The following TMEM41A variants were observed in gnomAD, a reference collection of about 807,000 sequenced individuals.
TMEM41A encodes the protein transmembrane protein 41A.
A neutral mutation model predicts 25.7 loss-of-function variants in TMEM41A; 20 were observed. The ratio of observed to expected loss-of-function variants is 0.78; its 90% CI spans 0.55 to 1.13. The LOEUF (loss-of-function observed/expected upper bound fraction) is 1.13, where lower values mean the gene tolerates loss of function less well. Ranked by LOEUF, TMEM41A falls within the 50% of genes most tolerant of loss-of-function variation. The probability of loss-of-function intolerance (pLI) is 0.00; values close to 1 mark genes in which losing one functional copy is unlikely to be tolerated. For missense variants in TMEM41A, 299 were observed against 314.3 expected (o/e 0.95, Z 0.37); for synonymous variants, 133 against 139.6 (o/e 0.95, Z 0.33).
chr3:185,495,323 TA>T lies in TMEM41A; in HGVS notation c.274-9del. The stretch of plus-strand genomic sequence containing the variant: ...GGCACCAGCTAAAACATTCTGCAAA[TA>T]AAACAAACCCTCAGGCATGTGAACA... On this transcript the variant is annotated splice_polypyrimidine_tract_variant and intron_variant, in intron 2 of 4. Coordinates refer to ENST00000421852, the MANE Select transcript of TMEM41A (RefSeq NM_080652.4). 4 of 1,612,490 alleles carry T rather than the reference TA, an allele frequency of 2.5e-6. No homozygotes were observed. Among genetic ancestry groups the T allele is most frequent in the Non-Finnish European group, 3.4e-6 (4 of 1,179,522 alleles).
intron 4 of TMEM41A, 24 bp downstream of exon 4, chr3:185,494,598 CA>C: frequency 6.4e-7 from 1 of 1,562,934 alleles, no homozygotes; most frequent in Non-Finnish European, 8.6e-7. Context: ...TCTGAAGACT[CA>C]AACCTACCCC....
Position 185,491,580 on chromosome 3 carries a change from T to G in TMEM41A, c.752A>C (p.Glu251Ala), listed in dbSNP as rs759344377. Residue 251 changes from glutamate (E) to alanine (A), a missense_variant, in exon 5 of 5, where the codon GAA becomes GCA. By Grantham distance (107) the Glu-to-Ala change is moderately radical. Transcript: ENST00000421852. ...GTGTATATGATTAGCAGTACTTGTT[T>G]CATTCAATTGCAGATGTTTCTGACT... is the stretch of plus-strand genomic sequence containing the variant. The part of the protein sequence containing the change: ...KFSQKHLQLN[E>A]TSTANHIHSR... The G allele has an allele frequency of 1.7e-5, 28 of 1,614,220 alleles. No individual in the cohort carries two copies. In the Admixed American group the frequency reaches 4.7e-4, roughly 27 times the overall value.
intron 2 of TMEM41A, 86 bp downstream of exon 2, chr3:185,496,742 C>T (rs1417832840): frequency 6.6e-7 from 1 of 1,505,608 alleles, no homozygotes; most frequent in South Asian, 1.2e-5. Flanking sequence ...TTAATCATCC[C>T]CACACAACAA....
intron 1 of TMEM41A, chr3:185,498,385 A>C (rs1432362507): frequency 6.3e-6 from 1 of 158,226 alleles, no homozygotes; most frequent in Non-Finnish European, 1.4e-5. Context: ...CTAATGTCTA[A>C]AGTCTCAAGG....
In TMEM41A at chr3:185,498,949, G is replaced by T; in HGVS notation, c.13C>A (p.Leu5Ile). MRPL[L>I]GLLLVFAGCT... ...CCGGCGAAGACCAGAAGGAGGCCGA[G>T]AAGCGGGCGCATGTCGGCTCCGCAC... Residue 5 changes from leucine (L) to isoleucine (I), a missense_variant, in exon 1 of 5, where the codon CTC becomes ATC. Physicochemically the swap from Leu to Ile is conservative, Grantham distance 5. Coordinates refer to ENST00000421852, the MANE Select transcript of TMEM41A (RefSeq NM_080652.4). The T allele has an allele frequency of 6.2e-7, 1 of 1,601,458 alleles. No individual in the cohort carries two copies. The highest frequency in any genetic ancestry group is 8.5e-7 in the Non-Finnish European group (1 of 1,174,914).
chr3:185,498,266 GAAA>G (rs1052526961), intron 1 of TMEM41A: 10 of 90,344 alleles, frequency 1.1e-4, no homozygotes, highest in Non-Finnish European at 2.1e-4. Context: ...CTCCGTCTCA[GAAA>G]AAAAAAAAAA....
intron 2 of TMEM41A, 132 bp downstream of exon 2, chr3:185,496,696 C>G (rs1719111048): frequency 8.6e-7 from 1 of 1,159,924 alleles, no homozygotes; most frequent in South Asian, 1.3e-5. Context: ...TGCTGAGGGC[C>G]ACTGTGTGCC....
At chr3:185,496,694 G>T in intron 2 of TMEM41A, 134 bp downstream of exon 2, 1 of 1,130,722 alleles carries the variant, frequency 8.8e-7, no homozygotes, top group Non-Finnish European at 1.3e-6. Context: ...AGTGCTGAGG[G>T]CCACTGTGTG....
intron 1 of TMEM41A, among the ~76,000 whole-genome samples, chr3:185,497,193 T>G (rs966508084): frequency 6.6e-6 from 1 of 152,226 alleles, no homozygotes; most frequent in African/African-American, 2.4e-5. Flanking sequence ...AGACCTGGGT[T>G]AGCATCCCAA....
At chr3:185,495,516 C>T in intron 2 of TMEM41A, 2 of 596,902 alleles carry the variant, frequency 3.4e-6, no homozygotes, top group Non-Finnish European at 2.9e-6. Context: ...TCATAGCTCA[C>T]TGCATCCTCG....
Position 185,495,368 on chromosome 3 carries a change from C to T in TMEM41A, c.274-53G>A, listed in dbSNP as rs992053664. 64 of 1,569,702 alleles carry T rather than the reference C, an allele frequency of 4.1e-5. No individual in the cohort carries two copies. In the African/African-American group the frequency reaches 7.4e-4, roughly 18 times the overall value. The stretch of plus-strand genomic sequence containing the variant: ...GTGAACATCTGGCAGCTACCAGGCA[C>T]GTCATCTTGGAGCCTGAGAGTCATA... On this transcript the variant is annotated intron_variant, in intron 2 of 4. Coordinates refer to ENST00000421852, the MANE Select transcript of TMEM41A (RefSeq NM_080652.4).
At chr3:185,498,683 G>T in intron 1 of TMEM41A, 160 bp downstream of exon 1, 1 of 610,542 alleles carries the variant, frequency 1.6e-6, no homozygotes, top group Non-Finnish European at 2.8e-6. Context: ...CCGTGCGGAC[G>T]CGGGCCCGGA....
Position 185,489,750 on chromosome 3 carries a change from G to T in TMEM41A, c.*1787C>A, listed in dbSNP as rs1718888590. ...AAAGGGCACACACTTGCGATGATGT[G>T]GAAAACATGTTTCTCCTTCCCTCCC... On this transcript the variant is annotated 3_prime_UTR_variant, in exon 5 of 5. Transcript: ENST00000421852. The T allele has an allele frequency of 6.6e-6, 1 of 152,138 alleles. No homozygotes were observed. Among genetic ancestry groups the T allele is most frequent in the South Asian group, 2.1e-4 (1 of 4,828 alleles). 9.4% of individuals were successfully genotyped at this position (152,138 alleles called of 1,614,324 possible).
chr3:185,491,880 CA>C (rs1560146286), intron 4 of TMEM41A, 123 bp from the exon 5 acceptor site: 2 of 628,446 alleles, frequency 3.2e-6, no homozygotes. Context: ...GACCCTTATA[CA>C]TATTAACTCT....
intron 4 of TMEM41A, 58 bp downstream of exon 4, chr3:185,494,565 G>T (rs1010022209): frequency 1.3e-6 from 2 of 1,496,622 alleles, no homozygotes; most frequent in African/African-American, 2.8e-5. Flanking sequence ...CAATAACCCA[G>T]GGCAGACCCC....
chr3:185,497,067 G>A, intron 1 of TMEM41A, 86 bp from the exon 2 acceptor site: 1 of 1,474,274 alleles, frequency 6.8e-7, no homozygotes, highest in Non-Finnish European at 9.1e-7. Context: ...TCTTTTCAGA[G>A]TAGGTTTATA....
At position 185,498,688 on chromosome 3, in the gene TMEM41A, C is replaced by T. The variant is rs572665061; in HGVS notation, c.119+155G>A. The T allele has an allele frequency of 1.2e-3, 757 of 628,900 alleles. 1 individual carries two copies. Among genetic ancestry groups the T allele is most frequent in the Non-Finnish European group, 7.9e-4 (290 of 368,112 alleles). The allele number at this position is 628,900 out of a possible 1,614,324, so 39.0% of individuals were successfully genotyped here. A position where few individuals can be genotyped will look rare whatever the true frequency, so the allele number is the denominator to read the frequency against. ...CTGTCCGAGACCGTGCGGACGCGGG[C>T]CCGGATACCAGACCCGGATTCCAGT... On this transcript the variant is annotated intron_variant, in intron 1 of 4. Transcript: ENST00000421852.
In TMEM41A at chr3:185,495,188, T is replaced by C. The variant is rs762463346; in HGVS notation, c.401A>G (p.Tyr134Cys). The change falls in exon 3 of 5, where the codon TAC (tyrosine) becomes TGC (cysteine). Residue 134 changes from tyrosine to cysteine, a missense_variant. By Grantham distance (194) the Tyr-to-Cys change is radical (BLOSUM62 -2). Coordinates refer to ENST00000421852, the MANE Select transcript of TMEM41A (RefSeq NM_080652.4). Reference sequence around the variant, plus strand: ...CAGCAGGGCCACTTTATCAGGAAAGTAGGACACCACCAACTGTTTGCCAAA... The same window carrying C: ...CAGCAGGGCCACTTTATCAGGAAAGCAGGACACCACCAACTGTTTGCCAAA... ...SIFGKQLVVS[Y>C]FPDKVALLQR... 5 of 1,613,758 alleles carry C rather than the reference T, an allele frequency of 3.1e-6. No homozygotes were observed. In the Admixed American group the frequency reaches 5.0e-5, roughly 16 times the overall value.
At chr3:185,494,872 C>G in intron 3 of TMEM41A, 111 bp from the exon 4 acceptor site, 1 of 1,289,384 alleles carries the variant, frequency 7.8e-7, no homozygotes, top group South Asian at 1.5e-5. Context: ...GTTCCCAATT[C>G]TTCCAACAAC....
Sources: gnomAD v4.1 joint callset for allele counts (sites outside exome capture counted in the v4.1 genomes callset) on GRCh38, gnomAD v4.1.1 for gene constraint, MANE v1.5 for transcripts, NCBI Gene and HGNC (gene_info 2026-07-23, HGNC 2026-07-21) for gene names.